CEND1: variants seen among roughly 807,000 people sequenced by gnomAD.
CEND1 encodes the protein cell cycle exit and neuronal differentiation 1, also known as cell cycle exit and neuronal differentiation protein 1.
CEND1 carries 1 observed loss-of-function variant against 4.4 expected under a neutral mutation model. The observed-to-expected ratio is 0.23, with a 90% CI of 0.08 to 1.09. The LOEUF (loss-of-function observed/expected upper bound fraction) is 1.09, where lower values mean the gene tolerates loss of function less well. CEND1 is among the 50% of genes least tolerant of loss of function. The probability of loss-of-function intolerance (pLI) is 0.55; values close to 1 mark genes in which losing one functional copy is unlikely to be tolerated. For missense variants in CEND1, 213 were observed against 201.2 expected, an observed-to-expected ratio of 1.06 and a Z score of -0.35; for synonymous variants, 109 against 93.0, an observed-to-expected ratio of 1.17 and a Z score of -0.99.
intron 1 of CEND1, among the ~76,000 whole-genome samples, chr11:789,543 C>T (rs564317324): frequency 4.1e-4 from 62 of 152,274 alleles, no homozygotes; most frequent in African/African-American, 1.4e-3. Context: ...GGCCCAGCCG[C>T]CCTGAACCTG....
At position 788,448 on chromosome 11, in the gene CEND1, C is replaced by T. The variant is rs1229009773; in HGVS notation, c.129G>A (p.Glu43=). The change falls in exon 2 of 2, where the codon GAG becomes GAA. Residue 43 remains glutamate (E), a synonymous_variant. Coordinates refer to ENST00000330106, the MANE Select transcript of CEND1 (RefSeq NM_016564.4). ...KAPLTKPSKK[E]APAEKQQPPA... ...GCGGCTGCTGCTTCTCGGCCGGGGC[C>T]TCCTTCTTCGAGGGCTTGGTCAAGG... 1 of 1,575,970 alleles carries T rather than the reference C, an allele frequency of 6.3e-7. No individual in the cohort carries two copies. Among genetic ancestry groups the T allele is most frequent in the Non-Finnish European group, 8.6e-7 (1 of 1,158,880 alleles).
rs938379514 is a variant in CEND1 at position 787,115 on chromosome 11, T to TTC, written c.*1010_*1011dup. 6.6e-6 allele frequency: 1 copy of TTC among 152,280 alleles called. No individual in the cohort carries two copies. 9.4% of individuals were successfully genotyped at this position (152,280 alleles called of 1,614,324 possible). A position where few individuals can be genotyped will look rare whatever the true frequency, so the allele number is the denominator to read the frequency against. ...TGCAGATGAGGATGCAAGAGCAGCCTTCAGACGACAGAGTTTATTTCAGAC... is the reference window on the plus strand; with the variant it reads ...TGCAGATGAGGATGCAAGAGCAGCCTTCTCAGACGACAGAGTTTATTTCAGAC... On this transcript the variant is annotated 3_prime_UTR_variant, in exon 2 of 2. Coordinates refer to ENST00000330106, the MANE Select transcript of CEND1 (RefSeq NM_016564.4).
chr11:787,852 A>G lies in CEND1; in HGVS notation c.*275T>C. 3.6e-6 allele frequency: 1 copy of G among 276,852 alleles called. No homozygotes were observed. The highest frequency in any genetic ancestry group is 6.7e-6 in the Non-Finnish European group (1 of 149,336). The allele number at this position is 276,852 out of a possible 1,614,324, so 17.1% of individuals were successfully genotyped here. On this transcript the variant is annotated 3_prime_UTR_variant, in exon 2 of 2. Transcript: ENST00000330106. ...GTGGGGGGGGCCACACACAGGGTCCATTCCTTTCTTGCCGTTCCCCAGCTG... is the reference window on the plus strand; with the variant it reads ...GTGGGGGGGGCCACACACAGGGTCCGTTCCTTTCTTGCCGTTCCCCAGCTG...
At chr11:789,788 C>CG (rs886600849) in intron 1 of CEND1, among the ~76,000 whole-genome samples, 16 of 152,190 alleles carry the variant, frequency 1.1e-4, no homozygotes, top group African/African-American at 3.6e-4. Flanking sequence ...CTGCAGTTCT[C>CG]GGGGGGCTCA....
chr11:788,666 G>A lies in CEND1; in HGVS notation c.-82-8C>T. ...CCTGGGCATTCTATGGGCCTGGAGG[G>A]AGACACAAGGGAGGCTGCGCGCGGG... On this transcript the variant is annotated splice_polypyrimidine_tract_variant and splice_region_variant and intron_variant, in intron 1 of 1. Coordinates refer to ENST00000330106, the MANE Select transcript of CEND1 (RefSeq NM_016564.4). 7.7e-7 allele frequency: 1 copy of A among 1,291,908 alleles called. No individual in the cohort carries two copies. The highest frequency in any genetic ancestry group is 1.5e-5 in the African/African-American group (1 of 68,172). 80.0% of individuals were successfully genotyped at this position (1,291,908 alleles called of 1,614,324 possible). A position where few individuals can be genotyped will look rare whatever the true frequency, so the allele number is the denominator to read the frequency against.
chr11:788,610 G>A lies in CEND1; in HGVS notation c.-34C>T. ...GGGCGTATGGGACAGGCAGGTGGCT[G>A]CACCAGAGGGGCTCAGGACAGTTTG... On this transcript the variant is annotated 5_prime_UTR_variant, in exon 2 of 2. Coordinates refer to ENST00000330106, the MANE Select transcript of CEND1 (RefSeq NM_016564.4). 6.7e-7 allele frequency: 1 copy of A among 1,490,570 alleles called. No homozygotes were observed. The highest frequency in any genetic ancestry group is 1.4e-5 in the African/African-American group (1 of 71,440). The allele number at this position is 1,490,570 out of a possible 1,614,324, so 92.3% of individuals were successfully genotyped here. A position where few individuals can be genotyped will look rare whatever the true frequency, so the allele number is the denominator to read the frequency against.
intron 1 of CEND1, 88 bp from the exon 2 acceptor site, chr11:788,746 G>A (rs1448108551): frequency 5.7e-6 from 3 of 530,154 alleles, no homozygotes; most frequent in Non-Finnish European, 9.1e-6. Flanking sequence ...CCCCTGCCCA[G>A]TTCTCTGGAC....
Position 788,345 on chromosome 11 carries a change from G to A in CEND1, c.232C>T (p.Leu78=). Residue 78 remains leucine (L), a synonymous_variant, in exon 2 of 2, where the codon CTG becomes TTG. Transcript: ENST00000330106. ...DPALLNNHSN[L]KPAPTVPSSP... Reference sequence around the variant, plus strand: ...CTGGGGACCGTGGGGGCTGGCTTCAGGTTGCTGTGGTTGTTGAGAAGGGCA... The same window carrying A: ...CTGGGGACCGTGGGGGCTGGCTTCAAGTTGCTGTGGTTGTTGAGAAGGGCA... The A allele has an allele frequency of 6.2e-7, 1 of 1,602,960 alleles. No homozygotes were observed. The highest frequency in any genetic ancestry group is 8.5e-7 in the Non-Finnish European group (1 of 1,172,034).
chr11:787,917 T>C lies in CEND1; in HGVS notation c.*210A>G. Reference sequence around the variant, plus strand: ...ATCCTGTGCTGTGGACCCCGGAGCCTGGGCTCTTTCTGCCCTGGAGGTTGG... The same window carrying C: ...ATCCTGTGCTGTGGACCCCGGAGCCCGGGCTCTTTCTGCCCTGGAGGTTGG... On this transcript the variant is annotated 3_prime_UTR_variant, in exon 2 of 2. Coordinates refer to ENST00000330106, the MANE Select transcript of CEND1 (RefSeq NM_016564.4). 1 of 401,238 alleles carries C rather than the reference T, an allele frequency of 2.5e-6. No individual in the cohort carries two copies. Among genetic ancestry groups the C allele is most frequent in the Non-Finnish European group, 4.4e-6 (1 of 227,974 alleles). 24.9% of individuals were successfully genotyped at this position (401,238 alleles called of 1,614,324 possible).
At position 788,221 on chromosome 11, in the gene CEND1, C is replaced by A. The variant is rs548047064; in HGVS notation, c.356G>T (p.Cys119Phe). ...CACCAGCAGGGGGTTGAAGTTCTCA[C>A]AGGACCAGGGACCTCGGCCCCCAGG... Reference protein sequence around the residue: ...GGPGGRGPWSCENFNPLLVAG... With the variant: ...GGPGGRGPWSFENFNPLLVAG... Residue 119 changes from cysteine to phenylalanine, a missense_variant, in exon 2 of 2, where the codon TGT (cysteine) becomes TTT (phenylalanine). Coordinates refer to ENST00000330106, the MANE Select transcript of CEND1 (RefSeq NM_016564.4). The A allele has an allele frequency of 6.2e-6, 10 of 1,610,380 alleles. No homozygotes were observed. The East Asian group carries it at 1.6e-4, about 25-fold the overall frequency.
intron 1 of CEND1, among the ~76,000 whole-genome samples, chr11:789,293 C>T (rs1050188503): frequency 1.6e-4 from 25 of 152,252 alleles, no homozygotes; most frequent in Non-Finnish European, 3.5e-4. Context: ...GTCTGCCCCT[C>T]CCCAGCCTCT....
Position 790,012 on chromosome 11 carries a change from G to T in CEND1, c.-83+18C>A, listed in dbSNP as rs1864429854. On this transcript the variant is annotated intron_variant, in intron 1 of 1. Coordinates refer to ENST00000330106, the MANE Select transcript of CEND1 (RefSeq NM_016564.4). ...GCCCGCCCCGCCCGCCCCGCCCGCCGGGAGCCCCCCGCCTTACGCGTCCTC... is the reference window on the plus strand; with the variant it reads ...GCCCGCCCCGCCCGCCCCGCCCGCCTGGAGCCCCCCGCCTTACGCGTCCTC... 6.6e-6 allele frequency: 1 copy of T among 151,392 alleles called. No individual in the cohort carries two copies. The highest frequency in any genetic ancestry group is 1.8e-4 in the South Asian group (1 of 5,540). 9.4% of individuals were successfully genotyped at this position (151,392 alleles called of 1,614,324 possible).
rs1181203637 is a variant in CEND1, at chr11:787,738, C to T, written c.*389G>A. On this transcript the variant is annotated 3_prime_UTR_variant, in exon 2 of 2. Coordinates refer to ENST00000330106, the MANE Select transcript of CEND1 (RefSeq NM_016564.4). ...GCCACCGCGCCCTTTAATGTCCCCA[C>T]GAGGGCCGGGCCCAGGCCCAACCCA... 1.8e-5 allele frequency: 3 copies of T among 167,210 alleles called. No homozygotes were observed. The highest frequency in any genetic ancestry group is 4.8e-5 in the African/African-American group (2 of 42,048). The allele number at this position is 167,210 out of a possible 1,614,324, so 10.4% of individuals were successfully genotyped here. A position where few individuals can be genotyped will look rare whatever the true frequency, so the allele number is the denominator to read the frequency against.
chr11:787,972 G>A lies in CEND1; in HGVS notation c.*155C>T, dbSNP rs973760498. On this transcript the variant is annotated 3_prime_UTR_variant, in exon 2 of 2. Transcript: ENST00000330106. Reference sequence around the variant, plus strand: ...GTCCTGGGTCAGCAGGGGTGGGCTCGGGCGTCCTCTTCACCGTGCGCGTGT... The same window carrying A: ...GTCCTGGGTCAGCAGGGGTGGGCTCAGGCGTCCTCTTCACCGTGCGCGTGT... 20 of 537,176 alleles carry A rather than the reference G, an allele frequency of 3.7e-5. No individual in the cohort carries two copies. The highest frequency in any genetic ancestry group is 1.5e-4 in the African/African-American group (8 of 51,792). The allele number at this position is 537,176 out of a possible 1,614,324, so 33.3% of individuals were successfully genotyped here.
chr11:788,097 G>T lies in CEND1; in HGVS notation c.*30C>A. 6.7e-7 allele frequency: 1 copy of T among 1,482,126 alleles called. No individual in the cohort carries two copies. The highest frequency in any genetic ancestry group is 8.9e-7 in the Non-Finnish European group (1 of 1,118,968). 91.8% of individuals were successfully genotyped at this position (1,482,126 alleles called of 1,614,324 possible). A position where few individuals can be genotyped will look rare whatever the true frequency, so the allele number is the denominator to read the frequency against. ...CTTCCTCGGGTCTGTACAGGAAGTG[G>T]CTCCGTGCCCCCCGCCTGGCCCCCA... On this transcript the variant is annotated 3_prime_UTR_variant, in exon 2 of 2. Transcript: ENST00000330106.
At chr11:788,801 TTC>T (rs2133686565) in intron 1 of CEND1, 143 bp from the exon 2 acceptor site, 1 of 417,470 alleles carries the variant, frequency 2.4e-6, no homozygotes, top group African/African-American at 2.0e-5. Context: ...CCTCTGACAC[TTC>T]TCTTTCACGG....
chr11:788,061 G>T lies in CEND1; in HGVS notation c.*66C>A. On this transcript the variant is annotated 3_prime_UTR_variant, in exon 2 of 2. Coordinates refer to ENST00000330106, the MANE Select transcript of CEND1 (RefSeq NM_016564.4). ...GTACGAATAGGTAAGGGTGAACTCTGCATGCACTGGCTTCCTCGGGTCTGT... is the reference window on the plus strand; with the variant it reads ...GTACGAATAGGTAAGGGTGAACTCTTCATGCACTGGCTTCCTCGGGTCTGT... 1.6e-6 allele frequency: 2 copies of T among 1,251,918 alleles called. No individual in the cohort carries two copies. Among genetic ancestry groups the T allele is most frequent in the Non-Finnish European group, 1.1e-6 (1 of 929,084 alleles). 77.6% of individuals were successfully genotyped at this position (1,251,918 alleles called of 1,614,324 possible).
rs569646191 is a variant in CEND1 at position 788,685 on chromosome 11, G to A, written c.-82-27C>T. On this transcript the variant is annotated intron_variant, in intron 1 of 1. Transcript: ENST00000330106. ...TGGAGGGAGACACAAGGGAGGCTGC[G>A]CGCGGGTCCAGTCCCCCCTGTGCTG... The A allele has an allele frequency of 7.4e-5, 82 of 1,112,818 alleles. No homozygotes were observed. The African/African-American group carries it at 8.0e-4, about 11-fold the overall frequency. The allele number at this position is 1,112,818 out of a possible 1,614,324, so 68.9% of individuals were successfully genotyped here. A position where few individuals can be genotyped will look rare whatever the true frequency, so the allele number is the denominator to read the frequency against.
At position 790,077 on chromosome 11, in the gene CEND1, G is replaced by A. The variant is rs1266332820; in HGVS notation, c.-130C>T. On this transcript the variant is annotated 5_prime_UTR_variant, in exon 1 of 2. Transcript: ENST00000330106. ...CTGCGCGCTCCTCCGCGGGATGACGGCGGCTGCGAACGCGGAGGAGAGCTC... is the reference window on the plus strand; with the variant it reads ...CTGCGCGCTCCTCCGCGGGATGACGACGGCTGCGAACGCGGAGGAGAGCTC... 1 of 152,448 alleles carries A rather than the reference G, an allele frequency of 6.6e-6. No individual in the cohort carries two copies. The highest frequency in any genetic ancestry group is 6.5e-5 in the Admixed American group (1 of 15,284). The allele number at this position is 152,448 out of a possible 1,614,324, so 9.4% of individuals were successfully genotyped here. A position where few individuals can be genotyped will look rare whatever the true frequency, so the allele number is the denominator to read the frequency against.
Sources: allele counts gnomAD v4.1 joint callset (sites outside exome capture counted in the v4.1 genomes callset), GRCh38; gene constraint gnomAD v4.1.1; transcripts MANE v1.5; gene names NCBI Gene and HGNC (gene_info 2026-07-23, HGNC 2026-07-21).